Variants in ARHGEF1 observed in about 807,000 individuals in gnomAD.
ARHGEF1 encodes Rho guanine nucleotide exchange factor 1.
A neutral mutation model predicts 119.7 loss-of-function variants in ARHGEF1; 40 were observed. That is an observed-to-expected ratio of 0.33 (90% confidence interval 0.26 to 0.44). ARHGEF1 has a LOEUF of 0.44. Among genes scored for constraint, ARHGEF1 ranks in the 20% least tolerant of loss-of-function variants. The probability of loss-of-function intolerance (pLI) is 1.00; values close to 1 mark genes in which losing one functional copy is unlikely to be tolerated. For missense variants in ARHGEF1, 976 were observed against 1,268.3 expected, an observed-to-expected ratio of 0.77 and a Z score of 3.50; for synonymous variants, 494 against 521.0, an observed-to-expected ratio of 0.95 and a Z score of 0.71.
exon 2 of ARHGEF1, chr19:41,928,946 C>A: frequency 2.2e-6 from 1 of 456,026 alleles, no homozygotes; most frequent in Non-Finnish European, 4.4e-6. Flanking sequence ...ACACACGCAG[C>A]CTGGATAGGA....
rs367732464 is a variant in ARHGEF1 at position 41,905,902 on chromosome 19, G to A, written c.2405-37G>A. The A allele has an allele frequency of 9.9e-6, 16 of 1,613,474 alleles. No homozygotes were observed. Among genetic ancestry groups the A allele is most frequent in the South Asian group, 6.6e-5 (6 of 91,070 alleles). The stretch of plus-strand genomic sequence containing the variant: ...GAAGAGAGGCATCCACAGGAGGCCC[G>A]GCAGGATCTGAGCTCCCTCTCTGTT... On this transcript the variant is annotated intron_variant, in intron 25 of 28. Transcript: ENST00000354532. This position sits in a 1 kb window ranked among gnomAD's most constrained non-coding sequence, Gnocchi z 6.4.
intron 18 of ARHGEF1, among the ~76,000 whole-genome samples, chr19:41,913,730 C>T (rs2074768526): frequency 6.6e-6 from 1 of 150,532 alleles, no homozygotes; most frequent in African/African-American, 2.5e-5. Flanking sequence ...ATATCTTACG[C>T]CCCTAAGATA....
intron 1 of ARHGEF1, among the ~76,000 whole-genome samples, chr19:41,923,935 G>A (rs2074856846): frequency 1.3e-5 from 1 of 79,952 alleles, no homozygotes; most frequent in African/African-American, 5.4e-5. Flanking sequence ...TGGGGAGGTA[G>A]GGGTATGCTG....
Position 41,906,339 on chromosome 19 carries a change from C to T in ARHGEF1, c.2492-118C>T. The T allele has an allele frequency of 1.9e-6, 2 of 1,077,726 alleles. No individual in the cohort carries two copies. The highest frequency in any genetic ancestry group is 2.6e-6 in the Non-Finnish European group (2 of 757,228). 66.8% of individuals were successfully genotyped at this position (1,077,726 alleles called of 1,614,324 possible). On this transcript the variant is annotated intron_variant, in intron 26 of 28. Transcript: ENST00000354532. The surrounding 1 kb of genome is among the most constrained non-coding windows in gnomAD (Gnocchi z 4.5). ...GGATCCCCGAACCCCATCTGCTCAG[C>T]CTTGCCTGGCACCCACCTTCACCTC...
intron 1 of ARHGEF1, among the ~76,000 whole-genome samples, chr19:41,884,934 C>A (rs954506447): frequency 1.3e-5 from 2 of 152,152 alleles, no homozygotes; most frequent in Non-Finnish European, 2.9e-5. Flanking sequence ...TGGGGAGTTA[C>A]ACATTCCAAC....
intron 1 of ARHGEF1, among the ~76,000 whole-genome samples, chr19:41,885,411 G>A (rs2074278729): frequency 6.6e-6 from 1 of 152,108 alleles, no homozygotes; most frequent in Non-Finnish European, 1.5e-5. Flanking sequence ...GGGTAGGGTG[G>A]GGGCTCCCCA....
Position 41,917,164 on chromosome 19 carries a change from G to A in ARHGEF1, c.1866-5928G>A, listed in dbSNP as rs2074806549. ...TCTCTGTCACTGAGGGTCTCTGTCT[G>A]TCTCTGTCAGAGAGGGTCTTTTCTG... is the stretch of plus-strand genomic sequence containing the variant. On this transcript the variant is annotated intron_variant, in intron 18 of 20. Coordinates refer to the ARHGEF1 transcript ENST00000599589. This position sits in a 1 kb window ranked among gnomAD's most constrained non-coding sequence, Gnocchi z 4.8. 6.6e-6 allele frequency among the ~76,000 whole-genome samples: 1 copy of A among 152,130 alleles called. No homozygotes were observed. The highest frequency in any genetic ancestry group is 2.4e-5 in the African/African-American group (1 of 41,412).
In ARHGEF1 at chr19:41,894,268, G is replaced by A; in HGVS notation, c.706G>A (p.Gly236Arg). The A allele has an allele frequency of 1.3e-6, 2 of 1,572,506 alleles. No homozygotes were observed. The highest frequency in any genetic ancestry group is 1.7e-6 in the Non-Finnish European group (2 of 1,154,456). The change falls in exon 9 of 29, where the codon GGA (glycine) becomes AGA (arginine). Residue 236 changes from glycine (G) to arginine (R), a missense_variant. By Grantham distance (125) the Gly-to-Arg change is moderately radical (BLOSUM62 -2). Around this residue, in one of 3 missense-constraint regions of ARHGEF1, gnomAD observed 519 missense variants for 580.9 expected, o/e 0.89. Coordinates refer to ENST00000354532, the MANE Select transcript of ARHGEF1 (RefSeq NM_004706.4). Reference sequence around the variant, plus strand: ...CCACCTTGGGGTGCGGACCAAGAGTGGAGACAAGAAGTCGGGGAGGAACTT... The same window carrying A: ...CCACCTTGGGGTGCGGACCAAGAGTAGAGACAAGAAGTCGGGGAGGAACTT... ...MRHLGVRTKSGDKKSGRNFFR... is the reference protein window; with the variant it reads ...MRHLGVRTKSRDKKSGRNFFR...
At position 41,896,581 on chromosome 19, in the gene ARHGEF1, C is replaced by G. The variant is rs542508183; in HGVS notation, c.1121+99C>G. The G allele has an allele frequency of 5.3e-6, 5 of 941,986 alleles. No individual in the cohort carries two copies. The African/African-American group carries it at 8.1e-5, about 15-fold the overall frequency. 58.4% of individuals were successfully genotyped at this position (941,986 alleles called of 1,614,324 possible). On this transcript the variant is annotated intron_variant, in intron 13 of 28. Coordinates refer to ENST00000354532, the MANE Select transcript of ARHGEF1 (RefSeq NM_004706.4). ...GCCATCTGTGCCTGCCTGTCCCAGGCTCTTGCTCCCCATGCTCCTCTGCTG... is the reference window on the plus strand; with the variant it reads ...GCCATCTGTGCCTGCCTGTCCCAGGGTCTTGCTCCCCATGCTCCTCTGCTG...
chr19:41,903,119 G>A lies in ARHGEF1; in HGVS notation c.1739-188G>A, dbSNP rs180756234. ...TTTTTTTTTTTAGAGACGGGGTCTC[G>A]CCATGTTGCCCAGGCTGGCTTTGAA... On this transcript the variant is annotated intron_variant, in intron 18 of 28. Coordinates refer to ENST00000354532, the MANE Select transcript of ARHGEF1 (RefSeq NM_004706.4). This position sits in a 1 kb window ranked among gnomAD's most constrained non-coding sequence, Gnocchi z 4.2. 4.2e-4 allele frequency among the ~76,000 whole-genome samples: 63 copies of A among 151,256 alleles called. No individual in the cohort carries two copies. The highest frequency in any genetic ancestry group is 1.6e-3 in the Admixed American group (24 of 15,212).
At chr19:41,923,052 T>C (rs542819364), upstream of ARHGEF1, 16 of 428,062 alleles carry the variant, frequency 3.7e-5, no homozygotes, top group African/African-American at 2.6e-4. Flanking sequence ...CAGAGGGAAG[T>C]TCAGCGCCCC....
chr19:41,911,759 A>G (rs576980977), downstream of ARHGEF1, among the ~76,000 whole-genome samples: 3 of 152,256 alleles, frequency 2.0e-5, no homozygotes, highest in South Asian at 6.2e-4. Context: ...CAAGGTGACA[A>G]GAGGACACCC....
rs34459918 is a variant in ARHGEF1, at chr19:41,885,454, TTTTA to T, written c.-20+2185_-20+2188del. ...AAGCAATGCTCTCTGTTTTATTTTG[TTTTA>T]TTTATTTATTTATTTATTTTTGAGA... On this transcript the variant is annotated intron_variant, in intron 1 of 28. Transcript: ENST00000354532. Among the ~76,000 whole-genome samples, 11 of 151,066 alleles carry T rather than the reference TTTTA, an allele frequency of 7.3e-5. 1 individual carries two copies. The East Asian group carries it at 9.8e-4, about 13-fold the overall frequency.
intron 13 of ARHGEF1, chr19:41,896,725 C>T (rs1328302771): frequency 1.5e-6 from 1 of 673,838 alleles, no homozygotes; most frequent in African/African-American, 1.8e-5. Context: ...CCTCTCCTTC[C>T]TTTTTTCACT....
At position 41,898,473 on chromosome 19, in the gene ARHGEF1, C is replaced by T. The variant is rs1269899884; in HGVS notation, c.1153C>T (p.Arg385Trp). Residue 385 changes from arginine (R) to tryptophan (W), a missense_variant, in exon 14 of 29, where the codon CGG becomes TGG. Physicochemically the swap from Arg to Trp is moderately radical, Grantham distance 101. Coordinates refer to ENST00000354532, the MANE Select transcript of ARHGEF1 (RefSeq NM_004706.4). ...PEPGDEGEPG[R>W]SGLELEPEEP... ...GCCTGGAGATGAGGGGGAGCCGGGG[C>T]GGTCGGGACTGGAGCTTGAACCAGA... 1.9e-5 allele frequency: 30 copies of T among 1,548,364 alleles called. No individual in the cohort carries two copies. The highest frequency in any genetic ancestry group is 2.4e-5 in the Non-Finnish European group (28 of 1,145,906).
chr19:41,911,154 C>G (rs577015755), downstream of ARHGEF1, among the ~76,000 whole-genome samples: 22 of 152,288 alleles, frequency 1.4e-4, no homozygotes, highest in African/African-American at 5.3e-4. Flanking sequence ...ACACCCCCGG[C>G]TCACTCAGCA....
In ARHGEF1 at chr19:41,905,764, C is replaced by T. The variant is rs1555850029; in HGVS notation, c.2341C>T (p.Arg781Ter). The change falls in exon 25 of 29, where the codon CGA becomes TGA. Residue 781 changes from arginine (R) to a stop codon, truncating the protein, a stop_gained. Coordinates refer to ENST00000354532, the MANE Select transcript of ARHGEF1 (RefSeq NM_004706.4). LOFTEE classifies it high-confidence loss of function. The surrounding 1 kb of genome is among the most constrained non-coding windows in gnomAD (Gnocchi z 6.4). ...PKPRPSPSST[R>*]EPLLSSSENG... ...CCCAGCACTTCCTCCCCTCAGCACC[C>T]GAGAACCCCTCCTCAGCAGCTCTGA... The T allele has an allele frequency of 3.1e-6, 5 of 1,613,956 alleles. No homozygotes were observed. The highest frequency in any genetic ancestry group is 1.3e-5 in the African/African-American group (1 of 74,922).
intron 1 of ARHGEF1, among the ~76,000 whole-genome samples, chr19:41,927,155 GAGAGAC>G (rs1412876725): frequency 1.3e-5 from 2 of 152,178 alleles, no homozygotes; most frequent in East Asian, 1.9e-4. Context: ...GAGATGCTGT[GAGAGAC>G]AGAGACAGAG....
exon 2 of ARHGEF1, chr19:41,928,872 G>A (rs1555853585): frequency 4.4e-6 from 2 of 455,120 alleles, no homozygotes; most frequent in African/African-American, 2.0e-5. Flanking sequence ...TGGAGGTGGC[G>A]ACGATGCGTC....
Sources: gnomAD v4.1 joint callset for allele counts (sites outside exome capture counted in the v4.1 genomes callset) on GRCh38, gnomAD v4.1.1 for gene constraint, gnomAD v4.1.1 regional missense constraint, Gnocchi (gnomAD v3.1) non-coding constraint, MANE v1.5 for transcripts, NCBI Gene and HGNC (gene_info 2026-07-23, HGNC 2026-07-21) for gene names.